TTLL4: variants seen among roughly 807,000 people sequenced by gnomAD.
TTLL4 encodes the protein tubulin tyrosine ligase like 4, also known as tubulin monoglutamylase TTLL4.
In TTLL4, 85 loss-of-function variants were observed where a neutral mutation model predicts 122.7. That is an observed-to-expected ratio of 0.69 (90% confidence interval 0.58 to 0.83). The LOEUF (loss-of-function observed/expected upper bound fraction) is 0.83. TTLL4 is among the 40% of genes least tolerant of loss of function. The pLI, the probability that TTLL4 is intolerant of heterozygous loss-of-function variation, is 0.00. For missense variants in TTLL4, 1,363 were observed against 1,488.6 expected, an observed-to-expected ratio of 0.92 and a Z score of 1.39; for synonymous variants, 553 against 563.0, an observed-to-expected ratio of 0.98 and a Z score of 0.25.
chr2:218,716,346 T>C (rs767920621), intron 1 of TTLL4, among the ~76,000 whole-genome samples: 7 of 152,194 alleles, frequency 4.6e-5, no homozygotes, highest in East Asian at 3.9e-4. Flanking sequence ...CACAGAAAAA[T>C]CCTGCAATTC....
At position 218,738,261 on chromosome 2, in the gene TTLL4, G is replaced by T. The variant is rs140421293; in HGVS notation, c.585G>T (p.Lys195Asn). 303 of 1,613,966 alleles carry T rather than the reference G, an allele frequency of 1.9e-4. No individual in the cohort carries two copies. Among genetic ancestry groups the T allele is most frequent in the Non-Finnish European group, 2.5e-4 (290 of 1,180,014 alleles). Residue 195 changes from lysine (K) to asparagine (N), a missense_variant, in exon 3 of 20, where the codon AAG becomes AAT. Physicochemically the swap from Lys to Asn is moderately conservative, Grantham distance 94 (BLOSUM62 0). This residue lies in a region of TTLL4 where 760 missense variants were observed against 808.4 expected (regional missense o/e 0.94). Coordinates refer to ENST00000392102, the MANE Select transcript of TTLL4 (RefSeq NM_014640.5). Reference protein sequence around the residue: ...LAAAGENPSGKSLASAISGKI... With the variant: ...LAAAGENPSGNSLASAISGKI... ...CGGCTGGGGAAAACCCTTCAGGGAA[G>T]AGCCTGGCCTCTGCCATCTCAGGGA...
rs916662784 is a variant in TTLL4, at chr2:218,731,697, C to T, written c.-99+4350C>T. The stretch of plus-strand genomic sequence containing the variant: ...AAACTTCACCTCCCACAACTTCAGT[C>T]GGGGTATGGTACTTCCTTTCTCTTG... On this transcript the variant is annotated intron_variant, in intron 2 of 19. Transcript: ENST00000392102. Among the ~76,000 whole-genome samples the T allele has an allele frequency of 5.3e-5, 8 of 152,172 alleles. No homozygotes were observed. In the South Asian group the frequency reaches 8.3e-4, roughly 16 times the overall value.
intron 2 of TTLL4, chr2:218,736,474 T>G (rs1046143660): frequency 2.6e-5 from 4 of 152,216 alleles, no homozygotes; most frequent in Non-Finnish European, 5.9e-5. Flanking sequence ...AGAGACAGGC[T>G]CTTCCTCCCT....
Position 218,754,461 on chromosome 2 carries a change from C to A in TTLL4, c.*72C>A. ...ACCTCACGGGAACCAGCCTGCTGTT[C>A]AGACCAGTCTGACCCCCTACCCCTT... On this transcript the variant is annotated 3_prime_UTR_variant, in exon 20 of 20. Coordinates refer to ENST00000392102, the MANE Select transcript of TTLL4 (RefSeq NM_014640.5). The A allele has an allele frequency of 6.3e-7, 1 of 1,587,672 alleles. No homozygotes were observed. The highest frequency in any genetic ancestry group is 8.6e-7 in the Non-Finnish European group (1 of 1,165,892).
intron 1 of TTLL4, among the ~76,000 whole-genome samples, chr2:218,714,744 T>A (rs1159578811): frequency 1.3e-5 from 2 of 151,796 alleles, no homozygotes; most frequent in Non-Finnish European, 1.5e-5. Flanking sequence ...AAAAGGGATA[T>A]ATATATATAT....
At position 218,747,303 on chromosome 2, in the gene TTLL4, G is replaced by T. The variant is rs750563497; in HGVS notation, c.2180G>T (p.Arg727Leu). The change falls in exon 10 of 20, where the codon CGA (arginine) becomes CTA (leucine). Residue 727 changes from arginine (R) to leucine (L), a missense_variant. Transcript: ENST00000392102. The surrounding 1 kb of genome is among the most constrained non-coding windows in gnomAD (Gnocchi z 4.7). The part of the protein sequence containing the change: ...KWIVKPPASA[R>L]GIGIQVIHKW... ...TTCTGCTCCTAGCCAGCATCAGCTC[G>T]AGGCATTGGCATCCAGGTTATTCAC... 3 of 1,614,036 alleles carry T rather than the reference G, an allele frequency of 1.9e-6. No homozygotes were observed. In the African/African-American group the frequency reaches 4.0e-5, roughly 22 times the overall value.
intron 2 of TTLL4, among the ~76,000 whole-genome samples, chr2:218,731,329 T>C (rs1942376794): frequency 6.6e-6 from 1 of 151,498 alleles, no homozygotes; most frequent in Non-Finnish European, 1.5e-5. Flanking sequence ...GAGAATCACT[T>C]GAACCCGGGA....
At chr2:218,758,054 C>T (rs1033518966), downstream of TTLL4, among the ~76,000 whole-genome samples, 2 of 152,144 alleles carry the variant, frequency 1.3e-5, no homozygotes, top group Non-Finnish European at 2.9e-5. Flanking sequence ...AGAGTTTGCC[C>T]GCTCATTAAT....
chr2:218,731,453 C>T (rs1007882060), intron 2 of TTLL4, among the ~76,000 whole-genome samples: 4 of 151,904 alleles, frequency 2.6e-5, no homozygotes, highest in South Asian at 4.2e-4. Flanking sequence ...AATAACAAGA[C>T]GGTTCTGTTT....
chr2:218,749,661 GT>G (rs1419859659), intron 14 of TTLL4, among the ~76,000 whole-genome samples: 1 of 152,084 alleles, frequency 6.6e-6, no homozygotes, highest in East Asian at 1.9e-4. Context: ...TAGAGACAGG[GT>G]TTCACTGTAT....
rs944867896 is a variant in TTLL4, at chr2:218,754,249, G to T, written c.3460G>T (p.Asp1154Tyr). The change falls in exon 20 of 20, where the codon GAC (aspartate) becomes TAC (tyrosine). Residue 1154 changes from aspartate to tyrosine, a missense_variant. By Grantham distance (160) the Asp-to-Tyr change is radical. Around this residue, in one of 3 missense-constraint regions of TTLL4, gnomAD observed 596 missense variants for 655.8 expected, o/e 0.91. Transcript: ENST00000392102. The part of the protein sequence containing the change: ...PYPQKPSSSK[D>Y]SEDTSKEPSL... ...TCCCCAGAAACCCAGTTCCTCAAAG[G>T]ACAGTGAGGACACCAGCAAAGAGCC... 6.2e-7 allele frequency: 1 copy of T among 1,613,998 alleles called. No homozygotes were observed. The highest frequency in any genetic ancestry group is 8.5e-7 in the Non-Finnish European group (1 of 1,180,042).
intron 1 of TTLL4, among the ~76,000 whole-genome samples, chr2:218,724,321 C>T (rs1165265800): frequency 2.0e-5 from 3 of 152,180 alleles, no homozygotes; most frequent in Non-Finnish European, 2.9e-5. Context: ...CACCAATCAA[C>T]TTCAACTTTT....
chr2:218,725,200 G>A (rs2106404825), intron 1 of TTLL4, among the ~76,000 whole-genome samples: 1 of 152,136 alleles, frequency 6.6e-6, no homozygotes, highest in African/African-American at 2.4e-5. Context: ...GCCCACCCTA[G>A]AACAAGTCAT....
In TTLL4 at chr2:218,752,889, T is replaced by C. The variant is rs1943061090; in HGVS notation, c.3103T>C (p.Tyr1035His). 6.2e-7 allele frequency: 1 copy of C among 1,614,230 alleles called. No individual in the cohort carries two copies. Among genetic ancestry groups the C allele is most frequent in the Non-Finnish European group, 8.5e-7 (1 of 1,180,044 alleles). ...TTTTCCTTCTCATATCTCCTCTCGCTATCTCCGCTTTTTTGAGCAGCCACG... is the reference window on the plus strand; with the variant it reads ...TTTTCCTTCTCATATCTCCTCTCGCCATCTCCGCTTTTTTGAGCAGCCACG... ...RIFPSHISSR[Y>H]LRFFEQPRYF... The change falls in exon 17 of 20, where the codon TAT becomes CAT. Residue 1035 changes from tyrosine (Y) to histidine (H), a missense_variant. Transcript: ENST00000392102.
chr2:218,716,331 C>T (rs368573113), intron 1 of TTLL4, among the ~76,000 whole-genome samples: 1 of 152,136 alleles, frequency 6.6e-6, no homozygotes, highest in Non-Finnish European at 1.5e-5. Flanking sequence ...GTAAACATGG[C>T]GTTCCACAGA....
chr2:218,743,894 G>T (rs950459265), intron 5 of TTLL4, among the ~76,000 whole-genome samples: 1 of 152,096 alleles, frequency 6.6e-6, no homozygotes, highest in Admixed American at 6.5e-5. Context: ...GGTCAGGCTG[G>T]TCTCCAACTC....
chr2:218,747,625 G>A lies in TTLL4; in HGVS notation c.2278G>A (p.Gly760Ser), dbSNP rs776781286. 23 of 1,614,144 alleles carry A rather than the reference G, an allele frequency of 1.4e-5. No homozygotes were observed. Among genetic ancestry groups the A allele is most frequent in the Admixed American group, 3.3e-5 (2 of 60,010 alleles). The stretch of plus-strand genomic sequence containing the variant: ...TCTACACAAACCCTACCTCATCAGC[G>A]GCAGCAAGTTTGACCTGCGGATCTA... Reference protein sequence around the residue: ...RYLHKPYLISGSKFDLRIYVY... With the variant: ...RYLHKPYLISSSKFDLRIYVY... Residue 760 changes from glycine to serine, a missense_variant, in exon 11 of 20, where the codon GGC becomes AGC. Coordinates refer to ENST00000392102, the MANE Select transcript of TTLL4 (RefSeq NM_014640.5). This position sits in a 1 kb window ranked among gnomAD's most constrained non-coding sequence, Gnocchi z 4.7.
chr2:218,758,832 CA>C (rs373117317), downstream of TTLL4, among the ~76,000 whole-genome samples: 1 of 152,184 alleles, frequency 6.6e-6, no homozygotes, highest in African/African-American at 2.4e-5. Context: ...CTCTTGCAGG[CA>C]AATGTTCATA....
rs1177489005 is a variant in TTLL4 at position 218,740,067 on chromosome 2, T to G, written c.1497T>G (p.Thr499=). 1.2e-6 allele frequency: 2 copies of G among 1,614,114 alleles called. No individual in the cohort carries two copies. Among genetic ancestry groups the G allele is most frequent in the Non-Finnish European group, 1.7e-6 (2 of 1,179,984 alleles). Residue 499 remains threonine, a synonymous_variant, in exon 4 of 20, where the codon ACT becomes ACG. Transcript: ENST00000392102. ...TGATTCTTTCTTTTAGTTCAGCTAC[T>G]GACCTCCAGCCAGATCAGGCTGAGA... is the stretch of plus-strand genomic sequence containing the variant. The part of the protein sequence containing the change: ...DSSDRDISSA[T]DLQPDQAETE...
Sources: gnomAD v4.1 joint callset for allele counts (sites outside exome capture counted in the v4.1 genomes callset) on GRCh38, gnomAD v4.1.1 for gene constraint, gnomAD v4.1.1 regional missense constraint, Gnocchi (gnomAD v3.1) non-coding constraint, MANE v1.5 for transcripts, NCBI Gene and HGNC (gene_info 2026-07-23, HGNC 2026-07-21) for gene names.